Variants in ADGRL3 observed in about 807,000 individuals in gnomAD.
ADGRL3 encodes adhesion G protein-coupled receptor L3, also known as calcium-independent alpha-latrotoxin receptor 3.
A neutral mutation model predicts 153.5 loss-of-function variants in ADGRL3; 62 were observed. The ratio of observed to expected loss-of-function variants is 0.40; its 90% confidence interval spans 0.33 to 0.50. The LOEUF is 0.50. Among genes scored for constraint, ADGRL3 ranks in the 20% least tolerant of loss-of-function variants. The pLI is 0.47. For synonymous variants in ADGRL3, 710 were observed against 672.5 expected (o/e 1.06, Z -0.86); for missense variants, 1,641 against 1,859.4 (o/e 0.88, Z 2.16).
chr4:61,802,416 C>T (rs1346399442), intron 8 of ADGRL3, among the ~76,000 whole-genome samples: 1 of 152,148 alleles, frequency 6.6e-6, no homozygotes, highest in East Asian at 1.9e-4. Context: ...CACACCATCA[C>T]TGTAATTCTG....
chr4:61,541,426 A>G (rs1283958397), intron 4 of ADGRL3, among the ~76,000 whole-genome samples: 1 of 144,102 alleles, frequency 6.9e-6, no homozygotes, highest in Non-Finnish European at 1.5e-5. Flanking sequence ...ATTGTAATGG[A>G]CTTTCCTGTA....
chr4:61,453,331 T>A (rs1405154096), intron 2 of ADGRL3, among the ~76,000 whole-genome samples: 1 of 152,136 alleles, frequency 6.6e-6, no homozygotes, highest in Non-Finnish European at 1.5e-5. Context: ...ATCTTAATAA[T>A]GTTGCAAAGA....
chr4:61,708,158 T>G (rs539917704), intron 6 of ADGRL3, among the ~76,000 whole-genome samples: 1 of 152,252 alleles, frequency 6.6e-6, no homozygotes, highest in East Asian at 1.9e-4. Context: ...TCATGTTTAT[T>G]CATGAAAAGT....
intron 6 of ADGRL3, among the ~76,000 whole-genome samples, chr4:61,705,013 T>C (rs918288314): frequency 1.3e-5 from 2 of 152,180 alleles, no homozygotes; most frequent in African/African-American, 2.4e-5. Context: ...TGCATGAAAG[T>C]TGAACCACCT....
intron 2 of ADGRL3, among the ~76,000 whole-genome samples, chr4:61,392,931 C>T (rs1364890954): frequency 6.6e-6 from 1 of 151,636 alleles, no homozygotes; most frequent in Non-Finnish European, 1.5e-5. Flanking sequence ...ATATAGCTGG[C>T]TACATCTCTT....
intron 19 of ADGRL3, among the ~76,000 whole-genome samples, chr4:61,986,330 T>G (rs977072800): frequency 5.3e-5 from 8 of 152,226 alleles, no homozygotes; most frequent in African/African-American, 1.9e-4. Flanking sequence ...TTTTTTCTCC[T>G]TATTTGGAAA....
At chr4:61,805,145 C>T (rs763928482) in intron 8 of ADGRL3, among the ~76,000 whole-genome samples, 6 of 151,494 alleles carry the variant, frequency 4.0e-5, no homozygotes, top group Non-Finnish European at 5.9e-5. Flanking sequence ...TTAGGAGAGA[C>T]GAGGTTTCAC....
At chr4:61,235,209 C>T (rs1752363415) in intron 1 of ADGRL3, among the ~76,000 whole-genome samples, 1 of 152,084 alleles carries the variant, frequency 6.6e-6, no homozygotes, top group South Asian at 2.1e-4. Flanking sequence ...AAAAATGTGC[C>T]TTGCTTATCT....
intron 16 of ADGRL3, 109 bp from the exon 17 acceptor site, chr4:61,947,990 TA>T: frequency 1.2e-6 from 1 of 841,324 alleles, no homozygotes; most frequent in Non-Finnish European, 1.8e-6. Context: ...TAGACATCTC[TA>T]AAAAATTGGA....
chr4:61,368,082 GTTGT>G (rs1245273974), intron 1 of ADGRL3, among the ~76,000 whole-genome samples: 3 of 151,702 alleles, frequency 2.0e-5, no homozygotes, highest in African/African-American at 7.3e-5. Context: ...TTTTGATGGG[GTTGT>G]TTGTTTTTTT....
At chr4:61,279,621 A>G (rs2149956579) in intron 1 of ADGRL3, among the ~76,000 whole-genome samples, 1 of 152,264 alleles carries the variant, frequency 6.6e-6, no homozygotes, top group East Asian at 1.9e-4. Flanking sequence ...AAGTGATACA[A>G]TCCAATGTGG....
At chr4:61,476,708 TAAAAAAAAAAAAA>T (rs34866230) in intron 2 of ADGRL3, among the ~76,000 whole-genome samples, 5 of 33,570 alleles carry the variant, frequency 1.5e-4, no homozygotes, top group East Asian at 2.2e-3. Context: ...AGACTCTGTC[TAAAAAAAAAAAAA>T]AAAAAAAAAA....
chr4:61,565,747 A>G (rs1328310349), intron 4 of ADGRL3, among the ~76,000 whole-genome samples: 2 of 152,156 alleles, frequency 1.3e-5, no homozygotes, highest in Admixed American at 6.5e-5. Context: ...CATGTTGGCC[A>G]GGCTGGTCTT....
chr4:61,395,894 C>T (rs549427714), intron 2 of ADGRL3, among the ~76,000 whole-genome samples: 6 of 151,960 alleles, frequency 3.9e-5, no homozygotes, highest in Non-Finnish European at 7.4e-5. Flanking sequence ...GAAGGAGGAA[C>T]GCACAGATTT....
At chr4:61,738,678 T>C (rs1418851470) in intron 8 of ADGRL3, among the ~76,000 whole-genome samples, 2 of 152,232 alleles carry the variant, frequency 1.3e-5, no homozygotes, top group Admixed American at 1.3e-4. Context: ...CCCTGACTTT[T>C]AATTGTCACA....
At position 61,733,390 on chromosome 4, in the gene ADGRL3, A is replaced by G. The variant is rs1205751551; in HGVS notation, c.1235A>G (p.Asn412Ser). 6.2e-7 allele frequency: 1 copy of G among 1,613,816 alleles called. No individual in the cohort carries two copies. Among genetic ancestry groups the G allele is most frequent in the Admixed American group, 1.7e-5 (1 of 59,912 alleles). ...GGAAATAAGATTGACTACATTTACA[A>G]CACTGACCAAAGCAAGGATAGTTTG... The part of the protein sequence containing the change: ...ATGNKIDYIY[N>S]TDQSKDSLVD... The change falls in exon 8 of 27, where the codon AAC (asparagine) becomes AGC (serine). Residue 412 changes from asparagine (N) to serine (S), a missense_variant. Around this residue, in one of 5 missense-constraint regions of ADGRL3, gnomAD observed 734 missense variants for 797.0 expected, o/e 0.92. Coordinates refer to ENST00000683033, the MANE Select transcript of ADGRL3 (RefSeq NM_001387552.1).
intron 2 of ADGRL3, chr4:61,420,458 G>C (rs1398832127): frequency 7.8e-6 from 1 of 128,724 alleles, no homozygotes; most frequent in African/African-American, 3.0e-5. Context: ...CCAGGCTGAA[G>C]TGCAGTGGCG....
At chr4:61,862,293 T>G (rs191198737) in intron 9 of ADGRL3, among the ~76,000 whole-genome samples, 1 of 152,152 alleles carries the variant, frequency 6.6e-6, no homozygotes, top group Non-Finnish European at 1.5e-5. Context: ...AAGAAGAGAT[T>G]TTTGCTCAAA....
chr4:61,949,189 G>T (rs1455207351), intron 17 of ADGRL3, among the ~76,000 whole-genome samples: 1 of 152,104 alleles, frequency 6.6e-6, no homozygotes, highest in Non-Finnish European at 1.5e-5. Flanking sequence ...CAAATATCTT[G>T]CTTTCCTCAT....
Sources: allele counts gnomAD v4.1 joint callset (sites outside exome capture counted in the v4.1 genomes callset), GRCh38; gene constraint gnomAD v4.1.1; regional missense constraint gnomAD v4.1.1; transcripts MANE v1.5; gene names NCBI Gene and HGNC (gene_info 2026-07-23, HGNC 2026-07-21).